ABCC4: variants seen among roughly 807,000 people sequenced by gnomAD.
ABCC4 encodes the protein ATP binding cassette subfamily C member 4 (PEL blood group).
ABCC4 carries 102 observed loss-of-function variants against 168.5 expected under a neutral mutation model. The ratio of observed to expected loss-of-function variants is 0.61; its 90% CI spans 0.52 to 0.71. The LOEUF (loss-of-function observed/expected upper bound fraction) is 0.71, where lower values mean the gene tolerates loss of function less well. ABCC4 is among the 30% of genes least tolerant of loss of function. The pLI is 0.00. For missense variants in ABCC4, 1,402 were observed against 1,605.8 expected (o/e 0.87, Z 2.17); for synonymous variants, 617 against 590.7 (o/e 1.04, Z -0.65).
chr13:95,114,991 C>G (rs2035324056), intron 20 of ABCC4, among the ~76,000 whole-genome samples: 1 of 151,946 alleles, frequency 6.6e-6, no homozygotes, highest in Admixed American at 6.6e-5. Flanking sequence ...CACAGAGGTT[C>G]AAATTTCATA....
At chr13:95,055,135 A>C (rs2139269486) in intron 26 of ABCC4, among the ~76,000 whole-genome samples, 1 of 152,340 alleles carries the variant, frequency 6.6e-6, no homozygotes, top group African/African-American at 2.4e-5. Flanking sequence ...TCTGTCTTAA[A>C]AGTACCCAAC....
chr13:95,117,885 C>T (rs2035433969), intron 19 of ABCC4, among the ~76,000 whole-genome samples: 1 of 151,582 alleles, frequency 6.6e-6, no homozygotes, highest in Non-Finnish European at 1.5e-5. Flanking sequence ...TCAAGACCAG[C>T]CTGAGCAACA....
At chr13:95,155,950 TG>T (rs2036840115) in intron 19 of ABCC4, among the ~76,000 whole-genome samples, 1 of 152,236 alleles carries the variant, frequency 6.6e-6, no homozygotes, top group South Asian at 2.1e-4. Context: ...AAAATGTCTC[TG>T]CTAACTCTGT....
chr13:95,037,963 T>A (rs1273533030), intron 29 of ABCC4, among the ~76,000 whole-genome samples: 1 of 152,142 alleles, frequency 6.6e-6, no homozygotes. Flanking sequence ...CCTCCTGGAC[T>A]CAAGCCTCAG....
rs533238900 is a variant in ABCC4, at chr13:95,112,502, T to A, written c.2535+3420A>T. 5.3e-5 allele frequency among the ~76,000 whole-genome samples: 8 copies of A among 152,346 alleles called. No individual in the cohort carries two copies. The East Asian group carries it at 1.3e-3, about 26-fold the overall frequency. On this transcript the variant is annotated intron_variant, in intron 20 of 30. Transcript: ENST00000645237. ...AAGTGTAGAATTTCAACTCCCTTTT[T>A]ATGAAGATACCTAACTTTTCTGTGG...
intron 14 of ABCC4, among the ~76,000 whole-genome samples, chr13:95,168,779 A>G (rs765760910): frequency 2.0e-5 from 3 of 152,144 alleles, no homozygotes; most frequent in Non-Finnish European, 4.4e-5. Context: ...CTGGGCTGAG[A>G]AGTTCTCACT....
At chr13:95,196,522 C>G (rs959465062) in intron 8 of ABCC4, among the ~76,000 whole-genome samples, 1 of 149,676 alleles carries the variant, frequency 6.7e-6, no homozygotes, top group African/African-American at 2.5e-5. Context: ...GCACTCCAGC[C>G]TGGGCAATAG....
At chr13:95,160,024 G>T (rs1166388048) in intron 19 of ABCC4, among the ~76,000 whole-genome samples, 3 of 152,094 alleles carry the variant, frequency 2.0e-5, no homozygotes, top group Non-Finnish European at 4.4e-5. Flanking sequence ...ATTTCAATTT[G>T]GTGGGTATGA....
rs1257022880 is a variant in ABCC4, at chr13:95,225,145, TCTCTCTCTCACACACACA to T, written c.531+9447_531+9464del. Reference sequence around the variant, plus strand: ...CACTGTCTGTCTGTCTGTCTGTCTCTCTCTCTCTCACACACACACACACACACACACACACACACACAC... The same window carrying T: ...CACTGTCTGTCTGTCTGTCTGTCTCTCACACACACACACACACACACACAC... On this transcript the variant is annotated intron_variant, in intron 4 of 30. Transcript: ENST00000645237. Among the ~76,000 whole-genome samples, 59 of 45,190 alleles carry T rather than the reference TCTCTCTCTCACACACACA, an allele frequency of 1.3e-3. 1 individual carries two copies. The highest frequency in any genetic ancestry group is 5.2e-3 in the African/African-American group (53 of 10,162). 29.6% of individuals were successfully genotyped at this position (45,190 alleles called of 152,430 possible).
chr13:95,280,100 T>C (rs2041078459), intron 1 of ABCC4, among the ~76,000 whole-genome samples: 1 of 152,112 alleles, frequency 6.6e-6, no homozygotes, highest in South Asian at 2.1e-4. Flanking sequence ...GTTTTGCCCG[T>C]CACCAACTTC....
At chr13:95,216,627 A>AC (rs2039119918) in intron 4 of ABCC4, among the ~76,000 whole-genome samples, 2 of 112,610 alleles carry the variant, frequency 1.8e-5, no homozygotes, top group Non-Finnish European at 4.0e-5. Flanking sequence ...AAAAAAAAAA[A>AC]AAAAACCAGC....
intron 4 of ABCC4, among the ~76,000 whole-genome samples, chr13:95,218,977 G>GAAAA (rs1305497112): frequency 2.3e-4 from 8 of 35,462 alleles, no homozygotes; most frequent in African/African-American, 7.8e-4. Context: ...AAGAAAGAAA[G>GAAAA]AAAGAAAGAG....
chr13:95,062,633 A>T lies in ABCC4; in HGVS notation c.3366+71T>A, dbSNP rs370881545. On this transcript the variant is annotated intron_variant, in intron 26 of 30. Transcript: ENST00000645237. Reference sequence around the variant, plus strand: ...TCCTTTCATCCAATTAAAAAAAGCAATAAGAGTAAAAGCAATTAAACATAG... The same window carrying T: ...TCCTTTCATCCAATTAAAAAAAGCATTAAGAGTAAAAGCAATTAAACATAG... 6.5e-6 allele frequency: 9 copies of T among 1,376,852 alleles called. No homozygotes were observed. In the South Asian group the frequency reaches 1.0e-4, roughly 16 times the overall value. 85.3% of individuals were successfully genotyped at this position (1,376,852 alleles called of 1,614,324 possible).
chr13:95,138,133 C>T (rs2036198789), intron 19 of ABCC4, among the ~76,000 whole-genome samples: 1 of 152,300 alleles, frequency 6.6e-6, no homozygotes, highest in Non-Finnish European at 1.5e-5. Context: ...TTTCCACACA[C>T]AAGCACGTTA....
At chr13:95,052,322 C>T (rs1352290916) in intron 27 of ABCC4, among the ~76,000 whole-genome samples, 4 of 152,206 alleles carry the variant, frequency 2.6e-5, no homozygotes, top group South Asian at 2.1e-4. Context: ...AAACTAGGTC[C>T]TGTGAGGGAT....
chr13:95,151,305 G>A (rs1338363769), intron 19 of ABCC4, among the ~76,000 whole-genome samples: 1 of 151,866 alleles, frequency 6.6e-6, no homozygotes, highest in Non-Finnish European at 1.5e-5. Context: ...GTGAAACTCT[G>A]TCTCTACTAA....
intron 1 of ABCC4, among the ~76,000 whole-genome samples, chr13:95,267,213 A>C (rs1299027787): frequency 1.3e-5 from 2 of 152,022 alleles, no homozygotes; most frequent in Non-Finnish European, 2.9e-5. Context: ...TAGCTCCCAC[A>C]GTTCCCCCGT....
At position 95,072,982 on chromosome 13, in the gene ABCC4, G is replaced by A. The variant is rs148428145; in HGVS notation, c.3018+222C>T. On this transcript the variant is annotated intron_variant, in intron 24 of 30. Coordinates refer to ENST00000645237, the MANE Select transcript of ABCC4 (RefSeq NM_005845.5). ...ACATTTATTACATCTGAAAAAGCTTGTGATGAATATAAAACCTGCTGACAG... is the reference window on the plus strand; with the variant it reads ...ACATTTATTACATCTGAAAAAGCTTATGATGAATATAAAACCTGCTGACAG... Among the ~76,000 whole-genome samples, 270 of 152,196 alleles carry A rather than the reference G, an allele frequency of 1.8e-3. 1 individual carries two copies. The highest frequency in any genetic ancestry group is 6.2e-3 in the African/African-American group (258 of 41,526).
At chr13:95,245,238 T>C (rs1174607163) in intron 3 of ABCC4, among the ~76,000 whole-genome samples, 2 of 152,228 alleles carry the variant, frequency 1.3e-5, no homozygotes, top group African/African-American at 4.8e-5. Context: ...CATAAGCAGC[T>C]GGTGACAAAG....
Sources: allele counts gnomAD v4.1 joint callset (sites outside exome capture counted in the v4.1 genomes callset), GRCh38; gene constraint gnomAD v4.1.1; transcripts MANE v1.5; gene names NCBI Gene and HGNC (gene_info 2026-07-23, HGNC 2026-07-21).